CUL3: variants seen among roughly 807,000 people sequenced by gnomAD.
CUL3 encodes cullin-3.
Under a neutral mutation model 89.1 loss-of-function variants are expected in CUL3, and 19 were observed. The ratio of observed to expected loss-of-function variants is 0.21; its 90% CI spans 0.15 to 0.31. The LOEUF is 0.31. Among genes scored for constraint, CUL3 ranks in the 10% least tolerant of loss-of-function variants. The probability of loss-of-function intolerance (pLI) is 1.00; values close to 1 mark genes in which losing one functional copy is unlikely to be tolerated. For missense variants in CUL3, 469 were observed against 942.3 expected (o/e 0.50, Z 6.58); for synonymous variants, 351 against 308.4 (o/e 1.14, Z -1.45).
intron 8 of CUL3, among the ~76,000 whole-genome samples, chr2:224,504,732 T>C (rs1394475149): frequency 2.6e-5 from 4 of 152,262 alleles, no homozygotes; most frequent in Admixed American, 6.5e-5. Context: ...CTTAGTGATT[T>C]TGTTCCCTTA....
intron 2 of CUL3, among the ~76,000 whole-genome samples, chr2:224,543,973 A>G (rs565978908): frequency 4.6e-5 from 7 of 152,132 alleles, no homozygotes; most frequent in South Asian, 2.1e-4. Context: ...TGACAGAGTG[A>G]GACCCCTCCC....
chr2:224,511,531 T>C lies in CUL3; in HGVS notation c.706A>G (p.Lys236Glu), dbSNP rs1162508170. The change falls in exon 6 of 16, where the codon AAA (lysine) becomes GAA (glutamate). Residue 236 changes from lysine to glutamate, a missense_variant. Lys to Glu is a moderately conservative substitution (Grantham distance 56). Transcript: ENST00000264414. ...AENSASVYIK[K>E]VEARINEEIE... ...TCTTCATTAATTCTAGCTTCTACTTTCTTTATATATACTGAAGCACTATTT... is the reference window on the plus strand; with the variant it reads ...TCTTCATTAATTCTAGCTTCTACTTCCTTTATATATACTGAAGCACTATTT... The C allele has an allele frequency of 6.2e-7, 1 of 1,613,496 alleles. No homozygotes were observed. The highest frequency in any genetic ancestry group is 2.2e-5 in the East Asian group (1 of 44,790).
chr2:224,537,346 A>G (rs1693935005), intron 2 of CUL3, among the ~76,000 whole-genome samples: 1 of 152,192 alleles, frequency 6.6e-6, no homozygotes, highest in African/African-American at 2.4e-5. Flanking sequence ...CTAAATATAC[A>G]GTATAAAAAT....
intron 1 of CUL3, among the ~76,000 whole-genome samples, chr2:224,575,229 A>G (rs915137801): frequency 1.1e-4 from 17 of 152,208 alleles, no homozygotes; most frequent in African/African-American, 3.9e-4. Context: ...TAGCTTAAGG[A>G]CAATGATTAA....
chr2:224,544,873 T>G (rs1315272073), intron 2 of CUL3, among the ~76,000 whole-genome samples: 2 of 151,770 alleles, frequency 1.3e-5, no homozygotes, highest in East Asian at 3.9e-4. Context: ...ATCTAAAAGG[T>G]TAAAAAGAAA....
intron 3 of CUL3, among the ~76,000 whole-genome samples, chr2:224,530,621 T>C (rs1178711062): frequency 4.6e-5 from 7 of 152,266 alleles, no homozygotes; most frequent in Admixed American, 4.6e-4. Flanking sequence ...TAAAATGCAC[T>C]TTTGGTTGGG....
intron 13 of CUL3, among the ~76,000 whole-genome samples, chr2:224,494,643 T>TG (rs1692100512): frequency 1.3e-5 from 2 of 151,940 alleles, no homozygotes. Context: ...GGTAATTCGG[T>TG]GGGAAAAAAA....
At chr2:224,516,848 T>A (rs1359681551) in intron 3 of CUL3, among the ~76,000 whole-genome samples, 1 of 151,970 alleles carries the variant, frequency 6.6e-6, no homozygotes, top group Non-Finnish European at 1.5e-5. Context: ...GGTTTCACCA[T>A]GTGGGCCAGG....
chr2:224,513,702 C>A, intron 4 of CUL3, 64 bp from the exon 5 acceptor site: 2 of 1,150,582 alleles, frequency 1.7e-6, no homozygotes, highest in Non-Finnish European at 2.5e-6. Flanking sequence ...ATAAAAATTA[C>A]AAAAAGGAGT....
rs899010687 is a variant in CUL3, at chr2:224,470,638, C to G, written c.*3607G>C. On this transcript the variant is annotated 3_prime_UTR_variant, in exon 16 of 16. Transcript: ENST00000264414. Reference sequence around the variant, plus strand: ...TACCCACTTAAGTATGTAAAACTTTCTCTAAGATTGTAGGAGACAAAGCGC... The same window carrying G: ...TACCCACTTAAGTATGTAAAACTTTGTCTAAGATTGTAGGAGACAAAGCGC... 1 of 231,734 alleles carries G rather than the reference C, an allele frequency of 4.3e-6. No homozygotes were observed. The highest frequency in any genetic ancestry group is 5.6e-5 in the Admixed American group (1 of 17,746). The allele number at this position is 231,734 out of a possible 1,614,324, so 14.4% of individuals were successfully genotyped here. A position where few individuals can be genotyped will look rare whatever the true frequency, so the allele number is the denominator to read the frequency against.
rs577136563 is a variant in CUL3, at chr2:224,540,089, CTCTGT to C, written c.265-4453_265-4449del. 5.3e-3 allele frequency among the ~76,000 whole-genome samples: 781 copies of C among 148,212 alleles called. 3 individuals are homozygous for C. The highest frequency in any genetic ancestry group is 8.8e-3 in the Non-Finnish European group (592 of 67,552). ...TTTTTTTTTTTTAGATGGAGTATCG[CTCTGT>C]TGCCCAGGCTGGGGTCCAGTGGCGC... On this transcript the variant is annotated intron_variant, in intron 2 of 15. Coordinates refer to ENST00000264414, the MANE Select transcript of CUL3 (RefSeq NM_003590.5).
chr2:224,490,405 T>C (rs796291870), intron 13 of CUL3, among the ~76,000 whole-genome samples: 34 of 152,196 alleles, frequency 2.2e-4, no homozygotes, highest in African/African-American at 6.0e-4. Context: ...TTATCAATCA[T>C]TGGAGATGAC....
chr2:224,578,954 A>G (rs1695373559), intron 1 of CUL3, among the ~76,000 whole-genome samples: 1 of 152,212 alleles, frequency 6.6e-6, no homozygotes, highest in Non-Finnish European at 1.5e-5. Context: ...TGAATGATGT[A>G]CAAACAAATG....
intron 14 of CUL3, among the ~76,000 whole-genome samples, chr2:224,481,263 G>A (rs886459812): frequency 4.6e-5 from 7 of 151,976 alleles, no homozygotes; most frequent in African/African-American, 1.7e-4. Flanking sequence ...AAGCCAAGTA[G>A]TAAACAATTA....
intron 1 of CUL3, among the ~76,000 whole-genome samples, chr2:224,566,760 A>G (rs1441929307): frequency 6.6e-6 from 1 of 152,152 alleles, no homozygotes; most frequent in Admixed American, 6.5e-5. Flanking sequence ...GCTTTTCTTA[A>G]ATCATATTAG....
chr2:224,526,544 C>A (rs978722104), intron 3 of CUL3, among the ~76,000 whole-genome samples: 1 of 141,812 alleles, frequency 7.1e-6, no homozygotes, highest in Non-Finnish European at 1.5e-5. Context: ...TGAGATTGCA[C>A]CACTGCACTC....
intron 7 of CUL3, among the ~76,000 whole-genome samples, chr2:224,506,552 T>C (rs1410309069): frequency 6.6e-6 from 1 of 152,226 alleles, no homozygotes; most frequent in Non-Finnish European, 1.5e-5. Flanking sequence ...CAGTTGTTTT[T>C]TCCAATATAC....
At chr2:224,532,330 T>C (rs1443654078) in intron 3 of CUL3, among the ~76,000 whole-genome samples, 1 of 151,808 alleles carries the variant, frequency 6.6e-6, no homozygotes, top group East Asian at 1.9e-4. Context: ...TAGTAGTCAT[T>C]GAAGGAGGAG....
At chr2:224,500,227 G>A (rs1692327453) in intron 11 of CUL3, 136 bp downstream of exon 11, 3 of 1,032,274 alleles carry the variant, frequency 2.9e-6, no homozygotes, top group Non-Finnish European at 4.3e-6. Context: ...CTGTATGCCA[G>A]GATAAATGCT....
Sources: gnomAD v4.1 joint callset for allele counts (sites outside exome capture counted in the v4.1 genomes callset) on GRCh38, gnomAD v4.1.1 for gene constraint, MANE v1.5 for transcripts, NCBI Gene and HGNC (gene_info 2026-07-23, HGNC 2026-07-21) for gene names.